The following CELSR1 variants were observed in gnomAD, a reference collection of about 807,000 sequenced individuals.
CELSR1 encodes adhesion G protein-coupled receptor C1.
In CELSR1, 110 loss-of-function variants were observed where a neutral mutation model predicts 249.1. The ratio of observed to expected loss-of-function variants is 0.44; its 90% CI spans 0.38 to 0.52. The LOEUF (loss-of-function observed/expected upper bound fraction) is 0.52. CELSR1 is among the 20% of genes least tolerant of loss of function. CELSR1 has a pLI of 0.00. For synonymous variants in CELSR1, 2,113 were observed against 1,900.0 expected, an observed-to-expected ratio of 1.11 and a Z score of -2.92; for missense variants, 4,109 against 4,296.4, an observed-to-expected ratio of 0.96 and a Z score of 1.22.
At chr22:46,366,219 G>A (rs55727785) in intron 30 of CELSR1, among the ~76,000 whole-genome samples, 167 bp downstream of exon 30, 46 of 1,272 alleles carry the variant, frequency 0.036, 1 homozygote, top group East Asian at 0.053. Context: ...GGCGGGGAGG[G>A]AAGGTGCGGG....
intron 5 of CELSR1, among the ~76,000 whole-genome samples, chr22:46,424,416 AT>A (rs1365176221): frequency 6.6e-6 from 1 of 152,110 alleles, no homozygotes; most frequent in Non-Finnish European, 1.5e-5. Context: ...TTTTGAGACA[AT>A]TTTAGAGGTA....
chr22:46,529,209 T>C (rs527482417), intron 1 of CELSR1, among the ~76,000 whole-genome samples: 68 of 150,564 alleles, frequency 4.5e-4, no homozygotes, highest in African/African-American at 1.6e-3. Flanking sequence ...GAGCTTGCAG[T>C]GAGCCGAGAT....
Position 46,534,128 on chromosome 22 carries a change from C to G in CELSR1, c.3043G>C (p.Gly1015Arg). Residue 1015 changes from glycine (G) to arginine (R), a missense_variant, in exon 1 of 35, where the codon GGG (glycine) becomes CGG (arginine). Around this residue, in one of 7 missense-constraint regions of CELSR1, gnomAD observed 886 missense variants for 896.5 expected, o/e 0.99. Transcript: ENST00000674500. This position sits in a 1 kb window ranked among gnomAD's most constrained non-coding sequence, Gnocchi z 9.7. ...ELFVEENNPV[G>R]SVVAKIRAND... ...GCACGAATCTTTGCCACCACCGACC[C>G]CACTGGGTTGTTCTCCTCAACAAAC... is the stretch of plus-strand genomic sequence containing the variant. 1 of 1,613,796 alleles carries G rather than the reference C, an allele frequency of 6.2e-7. No individual in the cohort carries two copies. Among genetic ancestry groups the G allele is most frequent in the South Asian group, 1.1e-5 (1 of 91,078 alleles).
rs1462138875 is a variant in CELSR1, at chr22:46,391,880, T to A, written c.5965-64A>T. Reference sequence around the variant, plus strand: ...CCGGGAGAGGCCCTACCTTGCAGCGTGTTTCCCGAGCGACGTCCAGACTCC... The same window carrying A: ...CCGGGAGAGGCCCTACCTTGCAGCGAGTTTCCCGAGCGACGTCCAGACTCC... On this transcript the variant is annotated intron_variant, in intron 14 of 34. Coordinates refer to ENST00000674500, the MANE Select transcript of CELSR1 (RefSeq NM_001378328.1). This position sits in a 1 kb window ranked among gnomAD's most constrained non-coding sequence, Gnocchi z 4.3. 1 of 1,528,514 alleles carries A rather than the reference T, an allele frequency of 6.5e-7. No homozygotes were observed. The allele number at this position is 1,528,514 out of a possible 1,614,324, so 94.7% of individuals were successfully genotyped here. A position where few individuals can be genotyped will look rare whatever the true frequency, so the allele number is the denominator to read the frequency against.
At position 46,475,667 on chromosome 22, in the gene CELSR1, G is replaced by GGGA. The variant is rs1555926101; in HGVS notation, c.3545-11323_3545-11322insTCC. ...AAAAATAAAGAAACGAATGGGGGGG[G>GGGA]AAGAAACAAGGAGAAATGAAGCTAC... On this transcript the variant is annotated intron_variant, in intron 1 of 34. Transcript: ENST00000674500. Among the ~76,000 whole-genome samples, 657 of 146,476 alleles carry GGGA rather than the reference G, an allele frequency of 4.5e-3. 3 individuals carry two copies. The highest frequency in any genetic ancestry group is 0.029 in the Middle Eastern group (8 of 276).
rs867516400 is a variant in CELSR1, at chr22:46,456,430, C to T, written c.4183+7277G>A. 1.6e-4 allele frequency among the ~76,000 whole-genome samples: 25 copies of T among 152,144 alleles called. No individual in the cohort carries two copies. The Middle Eastern group carries it at 0.017, about 103-fold the overall frequency. On this transcript the variant is annotated intron_variant, in intron 2 of 34. Coordinates refer to ENST00000674500, the MANE Select transcript of CELSR1 (RefSeq NM_001378328.1). The stretch of plus-strand genomic sequence containing the variant: ...ATCCCAGCACTTTGGGAGGCCAAGG[C>T]GGGCAGATCACGAGGTCAGGAGATC...
intron 1 of CELSR1, among the ~76,000 whole-genome samples, chr22:46,522,778 G>A (rs941948298): frequency 4.6e-5 from 7 of 152,212 alleles, no homozygotes; most frequent in African/African-American, 1.4e-4. Flanking sequence ...CCAGGGGATG[G>A]CCATTCCACC....
intron 18 of CELSR1, among the ~76,000 whole-genome samples, chr22:46,388,492 T>C (rs1425464523): frequency 6.6e-6 from 1 of 152,132 alleles, no homozygotes; most frequent in South Asian, 2.1e-4. Context: ...CTGGCGGCCT[T>C]ATGCAGACTA....
At chr22:46,522,459 T>G (rs1328936531) in intron 1 of CELSR1, among the ~76,000 whole-genome samples, 1 of 152,226 alleles carries the variant, frequency 6.6e-6, no homozygotes, top group Non-Finnish European at 1.5e-5. Context: ...CATCTTTTTT[T>G]GTGCTTATTG....
At chr22:46,489,158 G>A (rs1480004025) in intron 1 of CELSR1, among the ~76,000 whole-genome samples, 1 of 152,084 alleles carries the variant, frequency 6.6e-6, no homozygotes, top group Non-Finnish European at 1.5e-5. Context: ...CCGGCTTGGG[G>A]ATGGCGAAGT....
At chr22:46,394,957 T>A (rs1461513559) in intron 13 of CELSR1, among the ~76,000 whole-genome samples, 2 of 152,310 alleles carry the variant, frequency 1.3e-5, no homozygotes, top group African/African-American at 4.8e-5. Flanking sequence ...GGGCTGCACC[T>A]GCGCAGTCAC....
At position 46,535,220 on chromosome 22, in the gene CELSR1, C is replaced by G. The variant is rs150443259; in HGVS notation, c.1951G>C (p.Glu651Gln). 1 of 1,609,650 alleles carries G rather than the reference C, an allele frequency of 6.2e-7. No homozygotes were observed. The highest frequency in any genetic ancestry group is 1.3e-5 in the African/African-American group (1 of 74,924). ...GCCTCCACCCCGAAGCTGTAGTGCT[C>G]CACCTCCTCGCGGTCCAGCTCGGCA... The part of the protein sequence containing the change: ...VCAELDREEV[E>Q]HYSFGVEAVD... Residue 651 changes from glutamate (E) to glutamine (Q), a missense_variant, in exon 1 of 35, where the codon GAG becomes CAG. Physicochemically the swap from Glu to Gln is conservative, Grantham distance 29. Coordinates refer to ENST00000674500, the MANE Select transcript of CELSR1 (RefSeq NM_001378328.1).
rs982884054 is a variant in CELSR1, at chr22:46,390,639, C to T, written c.6251-153G>A. ...CCAGGAGGTCGACACCAGCGCCCCTCTTTCATGTCAGGGCCACGGCCGAAG... is the reference window on the plus strand; with the variant it reads ...CCAGGAGGTCGACACCAGCGCCCCTTTTTCATGTCAGGGCCACGGCCGAAG... On this transcript the variant is annotated intron_variant, in intron 16 of 34. Transcript: ENST00000674500. The surrounding 1 kb of genome is among the most constrained non-coding windows in gnomAD (Gnocchi z 6.3). Among the ~76,000 whole-genome samples the T allele has an allele frequency of 1.3e-5, 2 of 151,612 alleles. No homozygotes were observed. Among genetic ancestry groups the T allele is most frequent in the Non-Finnish European group, 2.9e-5 (2 of 68,042 alleles).
At position 46,533,085 on chromosome 22, in the gene CELSR1, C is replaced by T. The variant is rs2080808921; in HGVS notation, c.3544+542G>A. Among the ~76,000 whole-genome samples the T allele has an allele frequency of 2.0e-5, 3 of 152,202 alleles. No homozygotes were observed. The South Asian group carries it at 6.2e-4, about 32-fold the overall frequency. ...CAAAGAGCTTGCACAAAGCCCTACA[C>T]ACCTAAGCCCGACTGTTATTATCTG... is the stretch of plus-strand genomic sequence containing the variant. On this transcript the variant is annotated intron_variant, in intron 1 of 34. Coordinates refer to ENST00000674500, the MANE Select transcript of CELSR1 (RefSeq NM_001378328.1).
At position 46,484,183 on chromosome 22, in the gene CELSR1, C is replaced by T. The variant is rs893705070; in HGVS notation, c.3545-19838G>A. ...GGGGAGCTGCTGGGGAGAGCCGTTA[C>T]GACGGTGGGGACGGGTCCGAGGTCT... is the stretch of plus-strand genomic sequence containing the variant. On this transcript the variant is annotated intron_variant, in intron 1 of 34. Transcript: ENST00000674500. This position sits in a 1 kb window ranked among gnomAD's most constrained non-coding sequence, Gnocchi z 4.5. 1.3e-5 allele frequency among the ~76,000 whole-genome samples: 2 copies of T among 152,114 alleles called. No homozygotes were observed. The highest frequency in any genetic ancestry group is 2.4e-5 in the African/African-American group (1 of 41,432).
chr22:46,464,331 C>T lies in CELSR1; in HGVS notation c.3559G>A (p.Val1187Ile), dbSNP rs748498695. The change falls in exon 2 of 35, where the codon GTC (valine) becomes ATC (isoleucine). Residue 1187 changes from valine to isoleucine, a missense_variant. Val to Ile is a conservative substitution (Grantham distance 29). Transcript: ENST00000674500. The surrounding 1 kb of genome is among the most constrained non-coding windows in gnomAD (Gnocchi z 8.5). ...ACACGCAGGGTGCAGAAGGCCGTGACGCTGTGGATGCCATCTGCAGACACA... is the reference window on the plus strand; with the variant it reads ...ACACGCAGGGTGCAGAAGGCCGTGATGCTGTGGATGCCATCTGCAGACACA... ...EVSVSDGIHS[V>I]TAFCTLRVTI... is the part of the protein sequence containing the mutation. 29 of 1,609,764 alleles carry T rather than the reference C, an allele frequency of 1.8e-5. No homozygotes were observed. Among genetic ancestry groups the T allele is most frequent in the Middle Eastern group, 1.8e-4 (1 of 5,500 alleles).
chr22:46,461,637 A>G (rs1353281117), intron 2 of CELSR1, among the ~76,000 whole-genome samples: 5 of 152,306 alleles, frequency 3.3e-5, no homozygotes, highest in African/African-American at 9.6e-5. Flanking sequence ...AACGGCACAG[A>G]TGAACTTGGT....
In CELSR1 at chr22:46,433,369, G is replaced by A. The variant is rs1214827437; in HGVS notation, c.4611+24C>T. The A allele has an allele frequency of 1.3e-6, 2 of 1,599,432 alleles. No homozygotes were observed. The highest frequency in any genetic ancestry group is 1.7e-6 in the Non-Finnish European group (2 of 1,168,226). On this transcript the variant is annotated intron_variant, in intron 5 of 34. Coordinates refer to ENST00000674500, the MANE Select transcript of CELSR1 (RefSeq NM_001378328.1). The surrounding 1 kb of genome is among the most constrained non-coding windows in gnomAD (Gnocchi z 5.7). The stretch of plus-strand genomic sequence containing the variant: ...CTTCTCGAGCCGCCCTGGGGCCAGG[G>A]GGAAGTGGTGGGGCCCATCTTACCT...
In CELSR1 at chr22:46,447,763, G is replaced by T. The variant is rs2079836749; in HGVS notation, c.4184-8352C>A. On this transcript the variant is annotated intron_variant, in intron 2 of 34. Coordinates refer to ENST00000674500, the MANE Select transcript of CELSR1 (RefSeq NM_001378328.1). The surrounding 1 kb of genome is among the most constrained non-coding windows in gnomAD (Gnocchi z 4.7). The stretch of plus-strand genomic sequence containing the variant: ...GCCTCCCGAGTTGCTGGGATTACAG[G>T]TGCACACCACCACACCTGGCTAATT... 6.6e-6 allele frequency among the ~76,000 whole-genome samples: 1 copy of T among 152,176 alleles called. No homozygotes were observed. The highest frequency in any genetic ancestry group is 2.4e-5 in the African/African-American group (1 of 41,440).
Sources: gnomAD v4.1 joint callset for allele counts (sites outside exome capture counted in the v4.1 genomes callset) on GRCh38, gnomAD v4.1.1 for gene constraint, gnomAD v4.1.1 regional missense constraint, Gnocchi (gnomAD v3.1) non-coding constraint, MANE v1.5 for transcripts, NCBI Gene and HGNC (gene_info 2026-07-23, HGNC 2026-07-21) for gene names.